FMN1: variants seen among roughly 807,000 people sequenced by gnomAD.
FMN1 encodes formin 1.
In FMN1, 110 loss-of-function variants were observed where a neutral mutation model predicts 132.4. That is an observed-to-expected ratio of 0.83 (90% CI 0.71 to 0.97). FMN1 has a LOEUF of 0.97. Ranked by LOEUF, FMN1 falls within the 50% of genes least tolerant of loss-of-function variation. The pLI is 0.00. For synonymous variants in FMN1, 722 were observed against 651.7 expected (o/e 1.11, Z -1.64); for missense variants, 1,792 against 1,705.3 (o/e 1.05, Z -0.90).
intron 7 of FMN1, among the ~76,000 whole-genome samples, chr15:33,002,308 G>A (rs1456878498): frequency 6.6e-6 from 1 of 152,250 alleles, no homozygotes; most frequent in African/African-American, 2.4e-5. Flanking sequence ...AATGATAGCT[G>A]CCAATGGAAA....
At chr15:33,163,833 G>A (rs1964994333) in intron 3 of FMN1, among the ~76,000 whole-genome samples, 1 of 151,628 alleles carries the variant, frequency 6.6e-6, no homozygotes, top group Non-Finnish European at 1.5e-5. Context: ...GTCCAGGCTG[G>A]TCTCGAACTC....
intron 14 of FMN1, among the ~76,000 whole-genome samples, chr15:32,899,624 T>C (rs112307661): frequency 2.5e-4 from 38 of 152,284 alleles, no homozygotes; most frequent in African/African-American, 8.2e-4. Flanking sequence ...AGTAAACTAC[T>C]AGTAGCCAAC....
chr15:32,902,407 T>C (rs2060320086), intron 12 of FMN1, among the ~76,000 whole-genome samples: 1 of 152,122 alleles, frequency 6.6e-6, no homozygotes. Context: ...AACTCCCTCA[T>C]AATGCAGCAT....
chr15:32,999,945 A>C (rs185502823), intron 7 of FMN1, among the ~76,000 whole-genome samples: 374 of 150,788 alleles, frequency 2.5e-3, no homozygotes, highest in African/African-American at 8.4e-3. Context: ...CTTTTGTCAT[A>C]AAGATTTGGG....
intron 3 of FMN1, among the ~76,000 whole-genome samples, chr15:33,172,188 G>A (rs149421435): frequency 0.033 from 4,939 of 151,524 alleles, 142 homozygotes; most frequent in East Asian, 0.12. Context: ...AGACTGGGTG[G>A]CAGAGCGAGA....
At chr15:33,022,400 T>G (rs947260753) in intron 6 of FMN1, among the ~76,000 whole-genome samples, 2 of 152,138 alleles carry the variant, frequency 1.3e-5, no homozygotes, top group Non-Finnish European at 2.9e-5. Context: ...ACAACCACTT[T>G]TCCTTGATTT....
intron 17 of FMN1, chr15:32,837,114 C>T (rs1050446981): frequency 2.2e-5 from 5 of 226,106 alleles, no homozygotes; most frequent in Admixed American, 1.7e-4. Context: ...TAGCACTGAG[C>T]TGGAAGGACC....
chr15:32,960,711 C>T (rs2030413570), intron 9 of FMN1, among the ~76,000 whole-genome samples: 2 of 151,924 alleles, frequency 1.3e-5, no homozygotes, highest in East Asian at 1.9e-4. Context: ...AACAAGGAAA[C>T]GTAGCCTGGC....
At chr15:33,125,216 ATT>A (rs143913398) in intron 4 of FMN1, among the ~76,000 whole-genome samples, 7,430 of 152,230 alleles carry the variant, frequency 0.049, 230 homozygotes, top group South Asian at 0.088. Context: ...AGGTCACCTA[ATT>A]TTTGTCTTCC....
rs199811711 is a variant in FMN1 at position 33,147,302 on chromosome 15, T to C, written c.1867+5746A>G. The stretch of plus-strand genomic sequence containing the variant: ...CTTTTTCTCATGTCCCAACCAATAA[T>C]GACATGAGGCAGAGTGTTGAGTTAA... On this transcript the variant is annotated intron_variant, in intron 4 of 20. Coordinates refer to ENST00000616417, the MANE Select transcript of FMN1 (RefSeq NM_001277313.2). 3.9e-5 allele frequency among the ~76,000 whole-genome samples: 6 copies of C among 152,336 alleles called. No homozygotes were observed. In the East Asian group the frequency reaches 7.7e-4, roughly 20 times the overall value.
At chr15:32,940,235 C>T (rs2061369956) in intron 9 of FMN1, among the ~76,000 whole-genome samples, 1 of 152,094 alleles carries the variant, frequency 6.6e-6, no homozygotes, top group African/African-American at 2.4e-5. Context: ...ATGTAGTAAA[C>T]CAGTTATTCA....
intron 7 of FMN1, among the ~76,000 whole-genome samples, chr15:32,995,524 T>A (rs557954148): frequency 6.6e-6 from 1 of 152,156 alleles, no homozygotes; most frequent in Non-Finnish European, 1.5e-5. Flanking sequence ...AATAAAATAA[T>A]CCATGGTAAA....
chr15:32,832,773 A>T (rs2058532862), intron 17 of FMN1, among the ~76,000 whole-genome samples: 1 of 151,960 alleles, frequency 6.6e-6, no homozygotes, highest in African/African-American at 2.4e-5. Context: ...GAGCTTTTTG[A>T]GATGGAGACT....
At chr15:32,811,075 A>G (rs1464257504) in intron 17 of FMN1, 2 of 456,872 alleles carry the variant, frequency 4.4e-6, no homozygotes, top group Non-Finnish European at 8.8e-6. Flanking sequence ...CTTTACACCA[A>G]CAGAGGCACA....
At chr15:32,999,641 C>G (rs1351229580) in intron 7 of FMN1, among the ~76,000 whole-genome samples, 2 of 152,150 alleles carry the variant, frequency 1.3e-5, no homozygotes, top group Non-Finnish European at 2.9e-5. Context: ...AGGAAATATG[C>G]ATGTGATAAA....
chr15:32,956,525 A>G (rs968793845), intron 9 of FMN1, among the ~76,000 whole-genome samples: 28 of 152,274 alleles, frequency 1.8e-4, no homozygotes, highest in African/African-American at 6.5e-4. Flanking sequence ...CTTAAACTGA[A>G]GAACAGGAAA....
Position 32,926,217 on chromosome 15 carries a change from G to C in FMN1, c.3183C>G (p.Ile1061Met). ...LDGKRSQTVG[I>M]LISSLHLEMK... is the part of the protein sequence containing the mutation. ...TTTCTAAATGTAAACTAGATATCAA[G>C]ATTCCCACAGTTTGAGATCGTTTTC... Residue 1061 changes from isoleucine to methionine, a missense_variant, in exon 10 of 21, where the codon ATC becomes ATG. Ile to Met is a conservative substitution (Grantham distance 10, BLOSUM62 1). Transcript: ENST00000616417. 1 of 1,549,184 alleles carries C rather than the reference G, an allele frequency of 6.5e-7. No individual in the cohort carries two copies. The highest frequency in any genetic ancestry group is 1.2e-5 in the South Asian group (1 of 80,750).
At chr15:32,978,206 C>G (rs1056892328) in intron 7 of FMN1, among the ~76,000 whole-genome samples, 5 of 152,056 alleles carry the variant, frequency 3.3e-5, no homozygotes, top group African/African-American at 1.2e-4. Context: ...AGGAATACAC[C>G]TTTAAAATCA....
rs118084597 is a variant in FMN1 at position 32,997,571 on chromosome 15, C to T, written c.2223+10443G>A. Among the ~76,000 whole-genome samples, 767 of 152,294 alleles carry T rather than the reference C, an allele frequency of 5.0e-3. 10 individuals are homozygous for T. Among genetic ancestry groups the T allele is most frequent in the African/African-American group, 0.017 (695 of 41,560 alleles). On this transcript the variant is annotated intron_variant, in intron 7 of 20. Coordinates refer to ENST00000616417, the MANE Select transcript of FMN1 (RefSeq NM_001277313.2). The stretch of plus-strand genomic sequence containing the variant: ...GTCTCAGGTAGTTCGAAATTATCTA[C>T]GTGAAGCACTGAGCATGGTACCTGG...
Sources: gnomAD v4.1 joint callset for allele counts (sites outside exome capture counted in the v4.1 genomes callset) on GRCh38, gnomAD v4.1.1 for gene constraint, MANE v1.5 for transcripts, NCBI Gene and HGNC (gene_info 2026-07-23, HGNC 2026-07-21) for gene names.